The following PHF6 variants were observed in gnomAD, a reference collection of about 807,000 sequenced individuals.
PHF6 encodes PHD finger protein 6, also known as PHD-like zinc finger protein.
PHF6 carries 7 observed loss-of-function variants against 34.0 expected under a neutral mutation model. The ratio of observed to expected loss-of-function variants is 0.21; its 90% confidence interval spans 0.12 to 0.39. PHF6 has a LOEUF of 0.39. PHF6 is among the 10% of genes least tolerant of loss of function. PHF6 has a pLI of 1.00. For missense variants in PHF6, 128 were observed against 262.8 expected (o/e 0.49, Z 3.55); for synonymous variants, 89 against 88.4 (o/e 1.01, Z -0.04).
At chrX:134,408,544 A>G (rs746466494) in intron 5 of PHF6, among the ~76,000 whole-genome samples, 20 of 108,831 alleles carry the variant, frequency 1.8e-4, no homozygotes, top group Non-Finnish European at 3.8e-4. Context: ...TTCCATTATC[A>G]CTGGTGAGGT....
chrX:134,380,242 G>T (rs1295379242), intron 3 of PHF6, among the ~76,000 whole-genome samples: 2 of 107,095 alleles, frequency 1.9e-5, no homozygotes, highest in African/African-American at 6.9e-5. Flanking sequence ...CACCTCCCAG[G>T]TTCACACCAT....
chrX:134,388,631 C>T (rs1402328035), intron 3 of PHF6, among the ~76,000 whole-genome samples: 1 of 111,775 alleles, frequency 8.9e-6, no homozygotes, highest in African/African-American at 3.3e-5. Context: ...ACAGCCTTTC[C>T]TCCATCAGTT....
intron 8 of PHF6, among the ~76,000 whole-genome samples, chrX:134,415,955 A>G (rs896234067): frequency 2.7e-5 from 3 of 109,908 alleles, no homozygotes; most frequent in African/African-American, 9.9e-5. Flanking sequence ...TTTTTTGTTT[A>G]TTTTTTATTT....
At position 134,406,582 on chromosome X, in the gene PHF6, C is replaced by T. The variant is rs759982631; in HGVS notation, c.419-6909C>T. 2.7e-5 allele frequency among the ~76,000 whole-genome samples: 3 copies of T among 111,234 alleles called. No homozygotes were observed. The Admixed American group carries it at 2.9e-4, about 11-fold the overall frequency. On this transcript the variant is annotated intron_variant, in intron 5 of 10. Coordinates refer to ENST00000370803, the MANE Select transcript of PHF6 (RefSeq NM_001015877.2). ...TAGGAAGAGAGTTGGTGTCCTGGTACGTTGGGCATTCCCCTCCCTATAGAG... is the reference window on the plus strand; with the variant it reads ...TAGGAAGAGAGTTGGTGTCCTGGTATGTTGGGCATTCCCCTCCCTATAGAG...
intron 5 of PHF6, among the ~76,000 whole-genome samples, chrX:134,411,470 CATT>C (rs1222630524): frequency 5.5e-5 from 6 of 109,766 alleles, no homozygotes; most frequent in East Asian, 2.9e-4. Flanking sequence ...TAATAAATAA[CATT>C]ATTAAATGTT....
chrX:134,380,143 T>C (rs973047617), intron 3 of PHF6, among the ~76,000 whole-genome samples: 1 of 108,398 alleles, frequency 9.2e-6, no homozygotes, highest in South Asian at 4.0e-4. Context: ...TTTAATTTAT[T>C]TGGACCTTTT....
At position 134,394,603 on chromosome X, in the gene PHF6, T is replaced by C. The variant is rs113167107; in HGVS notation, c.418+651T>C. Among the ~76,000 whole-genome samples, 767 of 107,064 alleles carry C rather than the reference T, an allele frequency of 7.2e-3. 5 individuals carry two copies. The highest frequency in any genetic ancestry group is 0.025 in the African/African-American group (730 of 29,324). 93.0% of individuals were successfully genotyped at this position (107,064 alleles called of 115,157 possible). On this transcript the variant is annotated intron_variant, in intron 5 of 10. Transcript: ENST00000370803. ...TTGCCCAGGCTGGAGTGCAGTGGCG[T>C]GATCTTGGCTCACTGCAAGCTCCGC... is the stretch of plus-strand genomic sequence containing the variant.
rs1428710716 is a variant in PHF6, at chrX:134,377,573, A to C, written c.-45A>C. On this transcript the variant is annotated splice_region_variant and 5_prime_UTR_variant, in exon 2 of 11. Coordinates refer to ENST00000370803, the MANE Select transcript of PHF6 (RefSeq NM_001015877.2). ...TGTCGCCCTTCTTATTCTCTGTAGC[A>C]TTTCTTGAGACTTAAAGTGGCATTC... The C allele has an allele frequency of 3.4e-6, 4 of 1,176,629 alleles. No homozygotes were observed. The highest frequency in any genetic ancestry group is 3.4e-6 in the Non-Finnish European group (3 of 872,137).
chrX:134,374,391 A>G (rs1470720991), intron 1 of PHF6, among the ~76,000 whole-genome samples: 1 of 112,342 alleles, frequency 8.9e-6, no homozygotes, highest in Non-Finnish European at 1.9e-5. Context: ...AATAACCGCA[A>G]AAAGCAGTGC....
At chrX:134,414,037 A>G (rs1470694649) in intron 7 of PHF6, 71 bp downstream of exon 7, 1 of 1,106,878 alleles carries the variant, frequency 9.0e-7, no homozygotes, top group Non-Finnish European at 1.2e-6. Context: ...CCTGTGATCT[A>G]AAGCCCAAAT....
At chrX:134,378,646 G>A (rs1442255194) in intron 3 of PHF6, among the ~76,000 whole-genome samples, 2 of 112,554 alleles carry the variant, frequency 1.8e-5, no homozygotes, top group Admixed American at 1.9e-4. Flanking sequence ...TAATGTTCCC[G>A]TAGTTGTCTT....
chrX:134,378,245 C>G, intron 3 of PHF6, 139 bp downstream of exon 3: 1 of 349,847 alleles, frequency 2.9e-6, no homozygotes, highest in Non-Finnish European at 4.9e-6. Context: ...TTTCTCTGAG[C>G]CAGCAAAATC....
chrX:134,373,374 C>G lies in PHF6; in HGVS notation c.-140C>G, dbSNP rs936541423. 8.9e-6 allele frequency: 1 copy of G among 112,906 alleles called. No homozygotes were observed. Among genetic ancestry groups the G allele is most frequent in the Non-Finnish European group, 1.9e-5 (1 of 53,321 alleles). The allele number at this position is 112,906 out of a possible 1,213,427, so 9.3% of individuals were successfully genotyped here. A position where few individuals can be genotyped will look rare whatever the true frequency, so the allele number is the denominator to read the frequency against. ...GGAAACAACCTCCGGCGACAGAGCC[C>G]CGCTCTCAGGCACTGCTGGAGAACC... On this transcript the variant is annotated 5_prime_UTR_variant, in exon 1 of 11. Coordinates refer to ENST00000370803, the MANE Select transcript of PHF6 (RefSeq NM_001015877.2).
intron 3 of PHF6, among the ~76,000 whole-genome samples, chrX:134,386,864 G>A (rs1441934455): frequency 8.9e-6 from 1 of 111,986 alleles, no homozygotes; most frequent in African/African-American, 3.2e-5. Flanking sequence ...ACAAAGAAAT[G>A]AGCATGGCTG....
At chrX:134,401,624 G>C (rs1478163062) in intron 5 of PHF6, among the ~76,000 whole-genome samples, 1 of 111,704 alleles carries the variant, frequency 9.0e-6, no homozygotes, top group Non-Finnish European at 1.9e-5. Context: ...GGGTATACAG[G>C]AATTTTTATG....
At chrX:134,402,476 C>T (rs946309479) in intron 5 of PHF6, among the ~76,000 whole-genome samples, 1 of 111,792 alleles carries the variant, frequency 8.9e-6, no homozygotes, top group Non-Finnish European at 1.9e-5. Flanking sequence ...CTTAGCTCTG[C>T]CACATCCTAG....
chrX:134,427,118 C>T lies in PHF6; in HGVS notation c.*1458C>T, dbSNP rs2077510119. The T allele has an allele frequency of 1.8e-5, 3 of 163,970 alleles. No homozygotes were observed. Among genetic ancestry groups the T allele is most frequent in the Non-Finnish European group, 3.5e-5 (3 of 84,963 alleles). 13.5% of individuals were successfully genotyped at this position (163,970 alleles called of 1,213,427 possible). ...CACGTTTGTCAAGTGTGTATTCACA[C>T]ATTTACTTAAATCAAGGGACTCAAT... On this transcript the variant is annotated 3_prime_UTR_variant, in exon 11 of 11. Transcript: ENST00000370803.
chrX:134,382,468 C>T (rs962023172), intron 3 of PHF6, among the ~76,000 whole-genome samples: 1 of 110,159 alleles, frequency 9.1e-6, no homozygotes, highest in African/African-American at 3.3e-5. Context: ...TAAGGAGATA[C>T]TTGAAAGAAG....
chrX:134,396,936 A>T (rs2077380025), intron 5 of PHF6, among the ~76,000 whole-genome samples: 1 of 110,545 alleles, frequency 9.0e-6, no homozygotes, highest in South Asian at 3.8e-4. Context: ...AACAAAGATG[A>T]ATTAATATCT....
Sources: gnomAD v4.1 joint callset for allele counts (sites outside exome capture counted in the v4.1 genomes callset) on GRCh38, gnomAD v4.1.1 for gene constraint, MANE v1.5 for transcripts, NCBI Gene and HGNC (gene_info 2026-07-23, HGNC 2026-07-21) for gene names.